The following VAV2 variants were observed in gnomAD, a reference collection of about 807,000 sequenced individuals.
VAV2 encodes the protein guanine nucleotide exchange factor VAV2.
Under a neutral mutation model 132.5 loss-of-function variants are expected in VAV2, and 67 were observed. That is an observed-to-expected ratio of 0.51 (90% confidence interval 0.42 to 0.62). The LOEUF (loss-of-function observed/expected upper bound fraction) is 0.62, where lower values mean the gene tolerates loss of function less well. Ranked by LOEUF, VAV2 falls within the 20% of genes least tolerant of loss-of-function variation. VAV2 has a pLI of 0.00. For synonymous variants in VAV2, 492 were observed against 443.5 expected, an observed-to-expected ratio of 1.11 and a Z score of -1.37; for missense variants, 938 against 1,153.6, an observed-to-expected ratio of 0.81 and a Z score of 2.71.
At chr9:133,813,393 G>A (rs907846714) in intron 4 of VAV2, among the ~76,000 whole-genome samples, 19 of 152,244 alleles carry the variant, frequency 1.2e-4, no homozygotes, top group African/African-American at 4.6e-4. Context: ...CACGCTGTGT[G>A]CCACGGCCTC....
At chr9:133,933,016 C>T (rs1840740235) in intron 2 of VAV2, among the ~76,000 whole-genome samples, 1 of 48,610 alleles carries the variant, frequency 2.1e-5, no homozygotes, top group Non-Finnish European at 9.3e-5. Flanking sequence ...GGCCAGTGGG[C>T]GGAGACCGCC....
chr9:133,896,234 C>T (rs1839198633), intron 2 of VAV2, among the ~76,000 whole-genome samples: 1 of 152,200 alleles, frequency 6.6e-6, no homozygotes, highest in South Asian at 2.1e-4. Flanking sequence ...GCATGCGGAT[C>T]ACTTGAGGTC....
At chr9:133,803,938 C>A (rs1835037306) in intron 9 of VAV2, among the ~76,000 whole-genome samples, 1 of 152,204 alleles carries the variant, frequency 6.6e-6, no homozygotes, top group Non-Finnish European at 1.5e-5. Context: ...CCCACCCCTG[C>A]AGGACTGTGC....
At chr9:133,939,285 G>GT (rs1841045299) in intron 1 of VAV2, 66 bp from the exon 2 acceptor site, 11 of 1,400,896 alleles carry the variant, frequency 7.9e-6, no homozygotes, top group Admixed American at 6.7e-5. Context: ...TGTAAAAACC[G>GT]TAACAGCAAC....
In VAV2 at chr9:133,969,578, C is replaced by T. The variant is rs1842258876; in HGVS notation, c.204+22497G>A. On this transcript the variant is annotated intron_variant, in intron 1 of 29. Transcript: ENST00000371850. The surrounding 1 kb of genome is among the most constrained non-coding windows in gnomAD (Gnocchi z 5.1). The stretch of plus-strand genomic sequence containing the variant: ...GATTCCAGGAAGGCTGCTGGGAGAA[C>T]CCAGACATCCCTGCAACCTTGGCCA... Among the ~76,000 whole-genome samples, 1 of 152,104 alleles carries T rather than the reference C, an allele frequency of 6.6e-6. No individual in the cohort carries two copies. Among genetic ancestry groups the T allele is most frequent in the African/African-American group, 2.4e-5 (1 of 41,394 alleles).
chr9:133,977,997 G>A (rs561009245), intron 1 of VAV2, among the ~76,000 whole-genome samples: 2 of 118,680 alleles, frequency 1.7e-5, no homozygotes, highest in East Asian at 1.9e-4. Context: ...CCTAGGGCAC[G>A]CAGCTCCCAC....
At chr9:133,941,103 A>ACCTGTGCCCACCG (rs1841137809) in intron 1 of VAV2, among the ~76,000 whole-genome samples, 1 of 151,806 alleles carries the variant, frequency 6.6e-6, no homozygotes, top group Non-Finnish European at 1.5e-5. Flanking sequence ...TGTGCCCACC[A>ACCTGTGCCCACCG]AACACTCAAA....
chr9:133,927,375 T>A (rs894212578), intron 2 of VAV2, among the ~76,000 whole-genome samples: 1 of 152,178 alleles, frequency 6.6e-6, no homozygotes, highest in Non-Finnish European at 1.5e-5. Flanking sequence ...CCTCCACTGA[T>A]GTAGTAGGCA....
In VAV2 at chr9:133,794,297, C is replaced by T. The variant is rs1443660813; in HGVS notation, c.1101+1371G>A. 6.6e-6 allele frequency among the ~76,000 whole-genome samples: 1 copy of T among 152,116 alleles called. No homozygotes were observed. The highest frequency in any genetic ancestry group is 1.5e-5 in the Non-Finnish European group (1 of 68,008). ...CACCGAGAAAGTTCTGTCAGCCCGTCATGGCAGGAGGCTTTCCTGGAGCAT... is the reference window on the plus strand; with the variant it reads ...CACCGAGAAAGTTCTGTCAGCCCGTTATGGCAGGAGGCTTTCCTGGAGCAT... On this transcript the variant is annotated intron_variant, in intron 12 of 29. Coordinates refer to ENST00000371850, the MANE Select transcript of VAV2 (RefSeq NM_001134398.2). The surrounding 1 kb of genome is among the most constrained non-coding windows in gnomAD (Gnocchi z 4.6).
chr9:133,962,950 T>C (rs1178448855), intron 1 of VAV2, among the ~76,000 whole-genome samples: 1 of 152,206 alleles, frequency 6.6e-6, no homozygotes, highest in East Asian at 1.9e-4. Flanking sequence ...CAGAGCAAAT[T>C]TTGCAAATCT....
At position 133,924,632 on chromosome 9, in the gene VAV2, G is replaced by A. The variant is rs79577607; in HGVS notation, c.321+14471C>T. Reference sequence around the variant, plus strand: ...GCTCAGACAAGAACACGTCCACTAGGAGGCCAGTCACCACCAGCTCTTCCC... The same window carrying A: ...GCTCAGACAAGAACACGTCCACTAGAAGGCCAGTCACCACCAGCTCTTCCC... On this transcript the variant is annotated intron_variant, in intron 2 of 29. Transcript: ENST00000371850. Among the ~76,000 whole-genome samples the A allele has an allele frequency of 1.5e-3, 229 of 151,816 alleles. 10 individuals carry two copies. The East Asian group carries it at 0.041, about 27-fold the overall frequency.
At chr9:133,968,412 G>T (rs1191319967) in intron 1 of VAV2, among the ~76,000 whole-genome samples, 2 of 152,114 alleles carry the variant, frequency 1.3e-5, no homozygotes, top group African/African-American at 2.4e-5. Flanking sequence ...CATTTGAAAA[G>T]GTTGTGGGGG....
rs1400096636 is a variant in VAV2 at position 133,961,953 on chromosome 9, C to T, written c.205-22734G>A. ...GCCCCTGCCAGAACCCAGCATCATC[C>T]CCCATGCCGGGTGCTGGGGACCCTC... On this transcript the variant is annotated intron_variant, in intron 1 of 29. Transcript: ENST00000371850. The surrounding 1 kb of genome is among the most constrained non-coding windows in gnomAD (Gnocchi z 4.1). Among the ~76,000 whole-genome samples, 1 of 152,200 alleles carries T rather than the reference C, an allele frequency of 6.6e-6. No homozygotes were observed. Among genetic ancestry groups the T allele is most frequent in the East Asian group, 1.9e-4 (1 of 5,182 alleles).
chr9:133,770,089 C>A (rs114422661), intron 27 of VAV2, among the ~76,000 whole-genome samples: 1 of 152,218 alleles, frequency 6.6e-6, no homozygotes, highest in Non-Finnish European at 1.5e-5. Flanking sequence ...CAGCTCCATG[C>A]GCAGGGGTCT....
Position 133,788,235 on chromosome 9 carries a change from C to CCCCCCCCAAAA in VAV2, c.1407+118_1407+119insTTTTGGGGGGG. The CCCCCCCCAAAA allele has an allele frequency of 1.0e-6, 1 of 998,868 alleles. No individual in the cohort carries two copies. The highest frequency in any genetic ancestry group is 1.5e-6 in the Non-Finnish European group (1 of 680,468). The allele number at this position is 998,868 out of a possible 1,614,324, so 61.9% of individuals were successfully genotyped here. On this transcript the variant is annotated intron_variant, in intron 15 of 29. Coordinates refer to ENST00000371850, the MANE Select transcript of VAV2 (RefSeq NM_001134398.2). The surrounding 1 kb of genome is among the most constrained non-coding windows in gnomAD (Gnocchi z 5.3). ...CAGAGCGGAGACGCCCACCCCAACC[C>CCCCCCCCAAAA]ACCCGGCCAGCATCAGCGGCTGACT...
intron 2 of VAV2, among the ~76,000 whole-genome samples, chr9:133,880,999 C>A (rs1477502289): frequency 1.3e-5 from 2 of 152,146 alleles, no homozygotes; most frequent in African/African-American, 4.8e-5. Flanking sequence ...CAGGTGCTCC[C>A]GGGGGCAGCA....
rs1419406485 is a variant in VAV2 at position 133,918,571 on chromosome 9, C to CAACAGTA, written c.321+20531_321+20532insTACTGTT. Among the ~76,000 whole-genome samples, 10 of 151,582 alleles carry CAACAGTA rather than the reference C, an allele frequency of 6.6e-5. No homozygotes were observed. On this transcript the variant is annotated intron_variant, in intron 2 of 29. Transcript: ENST00000371850. This position sits in a 1 kb window ranked among gnomAD's most constrained non-coding sequence, Gnocchi z 4.7. ...GCTCATTCGTTCCTGCCTCACAACT[C>CAACAGTA]CACGTGGCTGATACTGTTATGTCCA...
chr9:133,811,695 C>T (rs1201626379), intron 5 of VAV2, among the ~76,000 whole-genome samples: 1 of 152,240 alleles, frequency 6.6e-6, no homozygotes, highest in Non-Finnish European at 1.5e-5. Context: ...CATCATTCTC[C>T]ACACAAAGGG....
Position 133,802,595 on chromosome 9 carries a change from G to GT in VAV2, c.836+3485dup. ...GACAAGGTATGTGGTTCCCTTGCTCGTGAGTTGACAGACCCGTGGCCCGAG... is the reference window on the plus strand; with the variant it reads ...GACAAGGTATGTGGTTCCCTTGCTCGTTGAGTTGACAGACCCGTGGCCCGAG... On this transcript the variant is annotated intron_variant, in intron 9 of 29. Transcript: ENST00000371850. This position sits in a 1 kb window ranked among gnomAD's most constrained non-coding sequence, Gnocchi z 5.8. Among the ~76,000 whole-genome samples, 1 of 152,206 alleles carries GT rather than the reference G, an allele frequency of 6.6e-6. No individual in the cohort carries two copies. Among genetic ancestry groups the GT allele is most frequent in the Non-Finnish European group, 1.5e-5 (1 of 68,042 alleles).
Sources: gnomAD v4.1 joint callset for allele counts (sites outside exome capture counted in the v4.1 genomes callset) on GRCh38, gnomAD v4.1.1 for gene constraint, Gnocchi (gnomAD v3.1) non-coding constraint, MANE v1.5 for transcripts, NCBI Gene and HGNC (gene_info 2026-07-23, HGNC 2026-07-21) for gene names.